The following ASPM variants were observed in gnomAD, a reference collection of about 807,000 sequenced individuals.
The protein encoded by ASPM is assembly factor for spindle microtubules.
ASPM carries 256 observed loss-of-function variants against 366.4 expected under a neutral mutation model. The ratio of observed to expected loss-of-function variants is 0.70; its 90% confidence interval spans 0.63 to 0.77. ASPM has a LOEUF of 0.77. Among genes scored for constraint, ASPM ranks in the 30% least tolerant of loss-of-function variants. ASPM has a pLI of 0.00. For missense variants in ASPM, 4,146 were observed against 4,090.4 expected (o/e 1.01, Z -0.37); for synonymous variants, 1,414 against 1,342.9 (o/e 1.05, Z -1.16).
chr1:197,088,914 C>T (rs1558321839), intron 25 of ASPM, among the ~76,000 whole-genome samples: 2 of 151,864 alleles, frequency 1.3e-5, no homozygotes, highest in Non-Finnish European at 2.9e-5. Flanking sequence ...GCTAGTAAGT[C>T]TAGGATATAT....
At chr1:197,096,349 T>G (rs752414862) in intron 18 of ASPM, among the ~76,000 whole-genome samples, 185 bp from the exon 19 acceptor site, 1 of 151,836 alleles carries the variant, frequency 6.6e-6, no homozygotes, top group African/African-American at 2.4e-5. Flanking sequence ...GTGCTTACTA[T>G]AGTGAACACG....
At chr1:197,132,495 C>A in intron 6 of ASPM, 143 bp from the exon 7 acceptor site, 1 of 678,238 alleles carries the variant, frequency 1.5e-6, no homozygotes. Context: ...CACTTATAGT[C>A]TTAAATATAC....
chr1:197,097,133 G>T (rs1656997013), intron 18 of ASPM, among the ~76,000 whole-genome samples: 1 of 151,766 alleles, frequency 6.6e-6, no homozygotes, highest in African/African-American at 2.4e-5. Context: ...TTTTCTCTCT[G>T]TGGCTAGTGA....
chr1:197,133,493 C>T lies in ASPM; in HGVS notation c.2276G>A (p.Arg759Gln), dbSNP rs375901171. The T allele has an allele frequency of 7.8e-5, 126 of 1,614,028 alleles. No homozygotes were observed. The highest frequency in any genetic ancestry group is 7.6e-4 in the East Asian group (34 of 44,860). The change falls in exon 6 of 28, where the codon CGG becomes CAG. Residue 759 changes from arginine (R) to glutamine (Q), a missense_variant. Around this residue, in one of 3 missense-constraint regions of ASPM, gnomAD observed 3,624 missense variants for 3,591.7 expected, o/e 1.01. Coordinates refer to ENST00000367409, the MANE Select transcript of ASPM (RefSeq NM_018136.5). ...EEMSLRAYTA[R>Q]CRLNRLRRAA... ...ACGACGTAGTCTGTTTAACCTACAC[C>T]GAGCAGTATAAGCTCTGAGAGACAT...
At chr1:197,130,468 A>C (rs1236505954) in intron 7 of ASPM, among the ~76,000 whole-genome samples, 1 of 152,216 alleles carries the variant, frequency 6.6e-6, no homozygotes, top group Non-Finnish European at 1.5e-5. Flanking sequence ...AAACATCTGC[A>C]AATCATCCAA....
rs1353924473 is a variant in ASPM at position 197,146,487 on chromosome 1, G to C, written c.-50C>G. 1 of 1,588,984 alleles carries C rather than the reference G, an allele frequency of 6.3e-7. No individual in the cohort carries two copies. The highest frequency in any genetic ancestry group is 1.7e-5 in the Admixed American group (1 of 59,522). ...TCTCCTTGCCCCGCTCCCACGAGGC[G>C]GCTCCGGAGCGGGGATCCGGGACTT... is the stretch of plus-strand genomic sequence containing the variant. On this transcript the variant is annotated 5_prime_UTR_variant, in exon 1 of 28. Transcript: ENST00000367409.
chr1:197,107,855 T>G (rs2125098100), intron 17 of ASPM, among the ~76,000 whole-genome samples: 1 of 152,276 alleles, frequency 6.6e-6, no homozygotes, highest in East Asian at 1.9e-4. Flanking sequence ...CCAATTCTGT[T>G]GCAACAAGTC....
At position 197,099,755 on chromosome 1, in the gene ASPM, T is replaced by C. The variant is rs969286882; in HGVS notation, c.8820+676A>G. On this transcript the variant is annotated intron_variant, in intron 18 of 27. Transcript: ENST00000367409. ...AATTTAACAGTAATCCAGTAAGATA[T>C]GAACATATCACATCTGGGTTAAAGC... 4.6e-5 allele frequency among the ~76,000 whole-genome samples: 7 copies of C among 151,890 alleles called. No individual in the cohort carries two copies. In the East Asian group the frequency reaches 1.4e-3, roughly 29 times the overall value.
At chr1:197,089,890 G>A in intron 25 of ASPM, 40 bp downstream of exon 25, 1 of 1,593,984 alleles carries the variant, frequency 6.3e-7, no homozygotes, top group Non-Finnish European at 8.6e-7. Flanking sequence ...GGGCATATTT[G>A]TTGACCAGTG....
At position 197,091,022 on chromosome 1, in the gene ASPM, A is replaced by G. The variant is rs751704605; in HGVS notation, c.9464T>C (p.Leu3155Ser). ...ICIQRWFRARLQEKRFIQKYH... is the reference protein window; with the variant it reads ...ICIQRWFRARSQEKRFIQKYH... ...TTTCTGAATAAATCTCTTTTCTTGTAATCTTGCTCGAAACCATCTCTGTTT... is the reference window on the plus strand; with the variant it reads ...TTTCTGAATAAATCTCTTTTCTTGTGATCTTGCTCGAAACCATCTCTGTTT... The change falls in exon 23 of 28, where the codon TTA (leucine) becomes TCA (serine). Residue 3155 changes from leucine to serine, a missense_variant. Physicochemically the swap from Leu to Ser is moderately radical, Grantham distance 145. Transcript: ENST00000367409. 1 of 1,611,320 alleles carries G rather than the reference A, an allele frequency of 6.2e-7. No individual in the cohort carries two copies. The highest frequency in any genetic ancestry group is 1.1e-5 in the South Asian group (1 of 90,968).
At chr1:197,084,504 T>A (rs1031021484) in intron 27 of ASPM, 78 bp from the exon 28 acceptor site, 5 of 957,732 alleles carry the variant, frequency 5.2e-6, no homozygotes, top group African/African-American at 4.9e-5. Flanking sequence ...TTCTCTTAAC[T>A]AAATTGTAGC....
chr1:197,113,820 C>G (rs1410807259), intron 17 of ASPM, among the ~76,000 whole-genome samples: 1 of 151,884 alleles, frequency 6.6e-6, no homozygotes, highest in Non-Finnish European at 1.5e-5. Flanking sequence ...TAATACTTCA[C>G]AAAAGATTTC....
At position 197,104,547 on chromosome 1, in the gene ASPM, T is replaced by A; in HGVS notation, c.4704A>T (p.Ser1568=). The A allele has an allele frequency of 6.2e-7, 1 of 1,612,832 alleles. No individual in the cohort carries two copies. Among genetic ancestry groups the A allele is most frequent in the Non-Finnish European group, 8.5e-7 (1 of 1,179,374 alleles). ...RQIRAACVIQ[S]YWRMRQDRVR... ...CTCTGTCTTGTCTCATTCTCCAGTATGACTGAATAACACAAGCAGCTCTAA... is the reference window on the plus strand; with the variant it reads ...CTCTGTCTTGTCTCATTCTCCAGTAAGACTGAATAACACAAGCAGCTCTAA... Residue 1568 remains serine, a synonymous_variant, in exon 18 of 28, where the codon TCA becomes TCT. Transcript: ENST00000367409.
chr1:197,146,581 C>A lies in ASPM; in HGVS notation c.-144G>T. The A allele has an allele frequency of 1.2e-6, 1 of 808,666 alleles. No homozygotes were observed. Among genetic ancestry groups the A allele is most frequent in the Non-Finnish European group, 2.0e-6 (1 of 499,042 alleles). The allele number at this position is 808,666 out of a possible 1,614,324, so 50.1% of individuals were successfully genotyped here. A position where few individuals can be genotyped will look rare whatever the true frequency, so the allele number is the denominator to read the frequency against. The stretch of plus-strand genomic sequence containing the variant: ...AGTGAATTCGGCCCTTTTTCTTTTC[C>A]ACTAACCTACTCCCTAGAAAACAGA... On this transcript the variant is annotated 5_prime_UTR_variant, in exon 1 of 28. Transcript: ENST00000367409.
In ASPM at chr1:197,092,912, T is replaced by G. The variant is rs1656829850; in HGVS notation, c.9294+140A>C. 1.1e-5 allele frequency: 9 copies of G among 784,926 alleles called. No homozygotes were observed. In the South Asian group the frequency reaches 1.6e-4, roughly 14 times the overall value. The allele number at this position is 784,926 out of a possible 1,614,324, so 48.6% of individuals were successfully genotyped here. On this transcript the variant is annotated intron_variant, in intron 21 of 27. Coordinates refer to ENST00000367409, the MANE Select transcript of ASPM (RefSeq NM_018136.5). The stretch of plus-strand genomic sequence containing the variant: ...ACAGTCAGTGCTCTTGTCACTTACC[T>G]TTCTAGCAGCTGAATTAATTCAAGT...
At position 197,128,604 on chromosome 1, in the gene ASPM, G is replaced by C; in HGVS notation, c.2822C>G (p.Ser941Cys). 1 of 1,613,416 alleles carries C rather than the reference G, an allele frequency of 6.2e-7. No individual in the cohort carries two copies. Among genetic ancestry groups the C allele is most frequent in the South Asian group, 1.1e-5 (1 of 91,060 alleles). The change falls in exon 10 of 28, where the codon TCC becomes TGC. Residue 941 changes from serine to cysteine, a missense_variant. Coordinates refer to ENST00000367409, the MANE Select transcript of ASPM (RefSeq NM_018136.5). The stretch of plus-strand genomic sequence containing the variant: ...TAATCCCAATAAGCCAAGGTGACGG[G>C]AAAGGTCACCTTCACCACTTAGGAA... ...RDFLSGEGDLSRHLGLLGLPV... is the reference protein window; with the variant it reads ...RDFLSGEGDLCRHLGLLGLPV...
intron 7 of ASPM, 96 bp from the exon 8 acceptor site, chr1:197,130,152 C>CA: frequency 7.9e-7 from 1 of 1,263,954 alleles, no homozygotes. Flanking sequence ...AAGGAACTGG[C>CA]AATGTTCTAC....
In ASPM at chr1:197,133,491, A is replaced by G. The variant is rs2125109558; in HGVS notation, c.2278T>C (p.Cys760Arg). ...EMSLRAYTAR[C>R]RLNRLRRAAC... is the part of the protein sequence containing the mutation. ...GCACGACGTAGTCTGTTTAACCTAC[A>G]CCGAGCAGTATAAGCTCTGAGAGAC... The change falls in exon 6 of 28, where the codon TGT (cysteine) becomes CGT (arginine). Residue 760 changes from cysteine to arginine, a missense_variant. Cys to Arg is a radical substitution (Grantham distance 180, BLOSUM62 -3). Transcript: ENST00000367409. 1.2e-6 allele frequency: 2 copies of G among 1,614,136 alleles called. No homozygotes were observed. The highest frequency in any genetic ancestry group is 1.7e-4 in the Middle Eastern group (1 of 6,060).
Position 197,146,405 on chromosome 1 carries a change from C to A in ASPM, c.33G>T (p.Trp11Cys). Reference protein sequence around the residue: MANRRVGRGCWEVSPTERRPP... With the variant: MANRRVGRGCCEVSPTERRPP... ...GCCTCCGCTCGGTCGGGCTCACTTCCCAGCAGCCTCGCCCCACTCGCCGGT... is the reference window on the plus strand; with the variant it reads ...GCCTCCGCTCGGTCGGGCTCACTTCACAGCAGCCTCGCCCCACTCGCCGGT... The change falls in exon 1 of 28, where the codon TGG becomes TGT. Residue 11 changes from tryptophan (W) to cysteine (C), a missense_variant. Around this residue, in one of 3 missense-constraint regions of ASPM, gnomAD observed 512 missense variants for 471.7 expected, o/e 1.09. Transcript: ENST00000367409. The A allele has an allele frequency of 6.2e-7, 1 of 1,609,684 alleles. No individual in the cohort carries two copies. The highest frequency in any genetic ancestry group is 8.5e-7 in the Non-Finnish European group (1 of 1,179,534).
Sources: gnomAD v4.1 joint callset for allele counts (sites outside exome capture counted in the v4.1 genomes callset) on GRCh38, gnomAD v4.1.1 for gene constraint, gnomAD v4.1.1 regional missense constraint, MANE v1.5 for transcripts, NCBI Gene and HGNC (gene_info 2026-07-23, HGNC 2026-07-21) for gene names.